The following WDR72 variants were observed in gnomAD, a reference collection of about 807,000 sequenced individuals.
The protein encoded by WDR72 is WD repeat domain 72.
Under a neutral mutation model 124.2 loss-of-function variants are expected in WDR72, and 120 were observed. The ratio of observed to expected loss-of-function variants is 0.97; its 90% CI spans 0.83 to 1.12. WDR72 has a LOEUF of 1.12. Among genes scored for constraint, WDR72 ranks in the 50% most tolerant of loss-of-function variants. The probability of loss-of-function intolerance (pLI) is 0.00; values close to 1 mark genes in which losing one functional copy is unlikely to be tolerated. For synonymous variants in WDR72, 452 were observed against 441.7 expected (o/e 1.02, Z -0.29); for missense variants, 1,387 against 1,278.8 (o/e 1.08, Z -1.29).
intron 14 of WDR72, among the ~76,000 whole-genome samples, chr15:53,644,846 GC>G (rs2014984890): frequency 6.6e-6 from 1 of 152,192 alleles, no homozygotes; most frequent in Admixed American, 6.5e-5. Context: ...GGGGAGCTGA[GC>G]TTACAATAGA....
chr15:53,711,594 C>A, intron 7 of WDR72, 113 bp from the exon 8 acceptor site: 2 of 1,061,848 alleles, frequency 1.9e-6, no homozygotes, highest in Admixed American at 1.9e-5. Context: ...TAATAACAGA[C>A]CATACTGTAC....
intron 14 of WDR72, among the ~76,000 whole-genome samples, chr15:53,654,648 A>G (rs1041148053): frequency 2.0e-5 from 3 of 152,204 alleles, no homozygotes; most frequent in Non-Finnish European, 2.9e-5. Context: ...CTCACCATGC[A>G]GCTCATTGAA....
chr15:53,589,579 G>A (rs2012393924), intron 18 of WDR72, among the ~76,000 whole-genome samples: 1 of 149,776 alleles, frequency 6.7e-6, no homozygotes, highest in African/African-American at 2.4e-5. Context: ...AAACAATAGT[G>A]CAAAACACAT....
intron 13 of WDR72, among the ~76,000 whole-genome samples, chr15:53,688,057 G>A (rs973631741): frequency 6.8e-5 from 10 of 146,624 alleles, no homozygotes; most frequent in African/African-American, 7.8e-5. Context: ...TTGATGGGAC[G>A]TATTTCAAAA....
At chr15:53,545,443 G>T (rs1267290536) in intron 18 of WDR72, among the ~76,000 whole-genome samples, 1 of 150,274 alleles carries the variant, frequency 6.7e-6, no homozygotes, top group African/African-American at 2.5e-5. Flanking sequence ...ACGGTGCTGG[G>T]AAAACTGGCT....
At chr15:53,744,898 C>T (rs17663543) in intron 1 of WDR72, among the ~76,000 whole-genome samples, 9,643 of 152,142 alleles carry the variant, frequency 0.063, 481 homozygotes, top group East Asian at 0.2. Flanking sequence ...TTCTGGGGAA[C>T]GTAACCACCC....
At chr15:53,744,877 G>A (rs2018604393) in intron 1 of WDR72, among the ~76,000 whole-genome samples, 1 of 152,140 alleles carries the variant, frequency 6.6e-6, no homozygotes, top group Non-Finnish European at 1.5e-5. Context: ...TCTTGCTCTG[G>A]AAGAAGTATA....
intron 13 of WDR72, among the ~76,000 whole-genome samples, chr15:53,693,123 C>T (rs536632140): frequency 6.6e-6 from 1 of 152,308 alleles, no homozygotes; most frequent in South Asian, 2.1e-4. Flanking sequence ...GACCTGATAT[C>T]TACAAAGCGG....
intron 11 of WDR72, among the ~76,000 whole-genome samples, chr15:53,702,900 TC>T (rs1382475947): frequency 8.3e-6 from 1 of 120,444 alleles, no homozygotes; most frequent in Admixed American, 9.1e-5. Context: ...TTATTTTCAT[TC>T]ATTTTTTTTT....
intron 18 of WDR72, among the ~76,000 whole-genome samples, chr15:53,564,013 G>A (rs1027767631): frequency 2.0e-5 from 3 of 151,804 alleles, no homozygotes; most frequent in African/African-American, 7.3e-5. Flanking sequence ...AAGTGTCCAG[G>A]GAAGATATTC....
chr15:53,634,275 C>T (rs1386280485), intron 14 of WDR72, among the ~76,000 whole-genome samples: 1 of 152,160 alleles, frequency 6.6e-6, no homozygotes, highest in East Asian at 1.9e-4. Context: ...AGTGAATTCC[C>T]TGGGTTTTCA....
intron 18 of WDR72, among the ~76,000 whole-genome samples, chr15:53,562,846 CTT>C (rs1274765534): frequency 4.0e-5 from 6 of 151,690 alleles, no homozygotes; most frequent in Admixed American, 2.0e-4. Context: ...GTCAAATAAA[CTT>C]ATATTATGAC....
intron 14 of WDR72, among the ~76,000 whole-genome samples, chr15:53,648,812 A>T (rs1048201384): frequency 3.3e-5 from 5 of 152,024 alleles, no homozygotes; most frequent in African/African-American, 1.2e-4. Context: ...CTTTCAAACA[A>T]CCATACCACA....
chr15:53,679,538 G>A (rs1264573935), intron 13 of WDR72, among the ~76,000 whole-genome samples: 1 of 152,048 alleles, frequency 6.6e-6, no homozygotes, highest in Non-Finnish European at 1.5e-5. Flanking sequence ...GCTGAGGATG[G>A]AGAGAGAGAG....
chr15:53,649,356 T>C (rs2015152560), intron 14 of WDR72, among the ~76,000 whole-genome samples: 1 of 152,212 alleles, frequency 6.6e-6, no homozygotes, highest in Non-Finnish European at 1.5e-5. Context: ...TGGCTTATTC[T>C]AAATTAATGG....
At chr15:53,684,729 G>A (rs2016546474) in intron 13 of WDR72, 1 of 152,596 alleles carries the variant, frequency 6.6e-6, no homozygotes, top group Non-Finnish European at 1.5e-5. Context: ...AGGCCTGCCT[G>A]CCTCTGTAGG....
chr15:53,517,447 C>CAGGAAT lies in WDR72; in HGVS notation c.*246_*251dup, dbSNP rs1323245465. ...AAATATTAACAGAAAAAGTAAGAAA[C>CAGGAAT]AGGAATAGAGAATGATCTAGGCAAT... On this transcript the variant is annotated 3_prime_UTR_variant, in exon 20 of 20. Transcript: ENST00000360509. 4 of 448,168 alleles carry CAGGAAT rather than the reference C, an allele frequency of 8.9e-6. No homozygotes were observed. The highest frequency in any genetic ancestry group is 2.0e-5 in the African/African-American group (1 of 49,986). 27.8% of individuals were successfully genotyped at this position (448,168 alleles called of 1,614,324 possible). A position where few individuals can be genotyped will look rare whatever the true frequency, so the allele number is the denominator to read the frequency against.
At chr15:53,639,008 T>C (rs2014732213) in intron 14 of WDR72, among the ~76,000 whole-genome samples, 1 of 151,898 alleles carries the variant, frequency 6.6e-6, no homozygotes, top group Admixed American at 6.6e-5. Flanking sequence ...AAAAGAACCA[T>C]GGTCACTGCA....
At chr15:53,702,562 A>G (rs1409327801) in intron 11 of WDR72, among the ~76,000 whole-genome samples, 1 of 152,194 alleles carries the variant, frequency 6.6e-6, no homozygotes, top group African/African-American at 2.4e-5. Flanking sequence ...GAAGCACTAC[A>G]GTTAGTTGTT....
Sources: gnomAD v4.1 joint callset for allele counts (sites outside exome capture counted in the v4.1 genomes callset) on GRCh38, gnomAD v4.1.1 for gene constraint, MANE v1.5 for transcripts, NCBI Gene and HGNC (gene_info 2026-07-23, HGNC 2026-07-21) for gene names.